SDK1: variants seen among roughly 807,000 people sequenced by gnomAD.
SDK1 encodes sidekick cell adhesion molecule 1.
SDK1 carries 157 observed loss-of-function variants against 245.5 expected under a neutral mutation model. That is an observed-to-expected ratio of 0.64 (90% confidence interval 0.56 to 0.73). The LOEUF is 0.73. Among genes scored for constraint, SDK1 ranks in the 30% least tolerant of loss-of-function variants. SDK1 has a pLI of 0.00. For missense variants in SDK1, 3,583 were observed against 3,002.3 expected (o/e 1.19, Z -4.52); for synonymous variants, 1,647 against 1,278.5 (o/e 1.29, Z -6.15).
intron 35 of SDK1, among the ~76,000 whole-genome samples, chr7:4,191,848 C>T (rs978489766): frequency 4.6e-5 from 7 of 152,228 alleles, no homozygotes; most frequent in East Asian, 1.9e-4. Flanking sequence ...CCGGGCAGAC[C>T]ACCCCTCCCA....
chr7:3,367,592 T>G (rs929521052), intron 1 of SDK1, among the ~76,000 whole-genome samples: 1 of 152,208 alleles, frequency 6.6e-6, no homozygotes, highest in Admixed American at 6.5e-5. Flanking sequence ...TCTTTTAATT[T>G]TTCTGTATTT....
At chr7:3,375,166 C>G (rs1781322638) in intron 1 of SDK1, among the ~76,000 whole-genome samples, 1 of 141,910 alleles carries the variant, frequency 7.0e-6, no homozygotes, top group Non-Finnish European at 1.5e-5. Context: ...TAAAGCTAAT[C>G]TGAAGTTAAT....
chr7:3,308,317 T>G (rs1779468966), intron 1 of SDK1, among the ~76,000 whole-genome samples: 1 of 152,210 alleles, frequency 6.6e-6, no homozygotes, highest in Admixed American at 6.5e-5. Flanking sequence ...TTATATTTAC[T>G]GTACAGTGAC....
chr7:3,355,358 T>G (rs542181484), intron 1 of SDK1, among the ~76,000 whole-genome samples: 4 of 152,314 alleles, frequency 2.6e-5, no homozygotes, highest in South Asian at 2.1e-4. Context: ...CTTTGTTGCC[T>G]GGGGTGGAGT....
intron 37 of SDK1, among the ~76,000 whole-genome samples, chr7:4,208,630 T>C (rs1472443239): frequency 6.6e-6 from 1 of 152,142 alleles, no homozygotes; most frequent in Non-Finnish European, 1.5e-5. Flanking sequence ...CTCCAAGAAA[T>C]GGAACTTCCC....
intron 4 of SDK1, among the ~76,000 whole-genome samples, chr7:3,655,448 A>AATATATATATATATATATATATATAT (rs1194322286): frequency 1.5e-5 from 1 of 66,334 alleles, no homozygotes; most frequent in African/African-American, 7.5e-5. Flanking sequence ...AAACAAAACA[A>AATATATATATATATATATATATATAT]ATATATATAT....
At chr7:3,985,490 A>G (rs1783750441) in intron 13 of SDK1, among the ~76,000 whole-genome samples, 1 of 152,196 alleles carries the variant, frequency 6.6e-6, no homozygotes, top group South Asian at 2.1e-4. Flanking sequence ...GAACTCAAAT[A>G]GAAATGACAG....
intron 1 of SDK1, among the ~76,000 whole-genome samples, chr7:3,462,261 A>G (rs1780856348): frequency 6.6e-6 from 1 of 152,084 alleles, no homozygotes; most frequent in East Asian, 1.9e-4. Flanking sequence ...AATACCTGTA[A>G]CAAGCATGCT....
At chr7:3,437,018 G>A (rs778002760) in intron 1 of SDK1, among the ~76,000 whole-genome samples, 7 of 152,130 alleles carry the variant, frequency 4.6e-5, no homozygotes, top group South Asian at 2.1e-4. Context: ...AAGGGGCAGC[G>A]GCTGCTCCTC....
At chr7:3,933,660 T>C (rs1353624099) in intron 5 of SDK1, among the ~76,000 whole-genome samples, 1 of 152,172 alleles carries the variant, frequency 6.6e-6, no homozygotes, top group Non-Finnish European at 1.5e-5. Context: ...AAGTGTTCAT[T>C]GATATATTTG....
chr7:4,095,577 A>G (rs1029941690), intron 22 of SDK1, among the ~76,000 whole-genome samples: 1 of 151,580 alleles, frequency 6.6e-6, no homozygotes, highest in Admixed American at 6.6e-5. Context: ...TTATTTATTT[A>G]TTTATTTTTT....
chr7:3,865,074 G>A (rs1036797458), intron 5 of SDK1, among the ~76,000 whole-genome samples: 25 of 152,252 alleles, frequency 1.6e-4, no homozygotes, highest in African/African-American at 4.8e-4. Context: ...TGAGGTCCCC[G>A]TGCCCTCCAG....
chr7:4,058,055 C>T (rs979898755), intron 19 of SDK1, among the ~76,000 whole-genome samples: 5 of 150,172 alleles, frequency 3.3e-5, no homozygotes, highest in Admixed American at 6.6e-5. Context: ...CAACAGATTC[C>T]AATGAAAAAG....
intron 38 of SDK1, among the ~76,000 whole-genome samples, chr7:4,214,107 C>T (rs1275249957): frequency 6.6e-6 from 1 of 152,186 alleles, no homozygotes; most frequent in South Asian, 2.1e-4. Context: ...AAGACATTTG[C>T]CCAAGGCCTG....
intron 17 of SDK1, among the ~76,000 whole-genome samples, chr7:4,044,024 G>A (rs996525518): frequency 1.3e-5 from 2 of 151,864 alleles, no homozygotes; most frequent in African/African-American, 4.8e-5. Flanking sequence ...AGATTGTTCT[G>A]GTCATCTATT....
intron 19 of SDK1, among the ~76,000 whole-genome samples, chr7:4,060,161 G>C (rs78352436): frequency 1.2e-4 from 18 of 152,250 alleles, no homozygotes; most frequent in South Asian, 6.2e-4. Flanking sequence ...GATTACAGGC[G>C]TGAGCCACCA....
At chr7:4,233,895 G>A (rs898729653) in intron 41 of SDK1, among the ~76,000 whole-genome samples, 2 of 152,174 alleles carry the variant, frequency 1.3e-5, no homozygotes, top group African/African-American at 4.8e-5. Context: ...AATTCCTAAT[G>A]TGTTTCCTCA....
intron 19 of SDK1, among the ~76,000 whole-genome samples, chr7:4,064,693 A>T (rs1413452141): frequency 6.6e-6 from 1 of 152,202 alleles, no homozygotes; most frequent in African/African-American, 2.4e-5. Context: ...GGATAAGAAA[A>T]TGTGGTGTAT....
chr7:3,867,607 GACTT>G (rs1225358371), intron 5 of SDK1, among the ~76,000 whole-genome samples: 2 of 152,140 alleles, frequency 1.3e-5, no homozygotes, highest in Non-Finnish European at 1.5e-5. Flanking sequence ...GATCTCGTGA[GACTT>G]ACTCACTATC....
Sources: allele counts gnomAD v4.1 joint callset (sites outside exome capture counted in the v4.1 genomes callset), GRCh38; gene constraint gnomAD v4.1.1; transcripts MANE v1.5; gene names NCBI Gene and HGNC (gene_info 2026-07-23, HGNC 2026-07-21).